Variants in MITF observed in about 807,000 individuals in gnomAD.
MITF encodes microphthalmia-associated transcription factor.
Under a neutral mutation model 60.5 loss-of-function variants are expected in MITF, and 17 were observed. That is an observed-to-expected ratio of 0.28 (90% CI 0.19 to 0.42). The LOEUF (loss-of-function observed/expected upper bound fraction) is 0.42. MITF is among the 10% of genes least tolerant of loss of function. MITF has a pLI of 1.00. For synonymous variants in MITF, 260 were observed against 248.5 expected, an observed-to-expected ratio of 1.05 and a Z score of -0.43; for missense variants, 622 against 683.5, an observed-to-expected ratio of 0.91 and a Z score of 1.00.
intron 5 of MITF, 86 bp from the exon 6 acceptor site, chr3:69,948,965 A>T: frequency 1.0e-6 from 1 of 958,010 alleles, no homozygotes; most frequent in East Asian, 2.4e-5. Flanking sequence ...TTCTTAAATA[A>T]ATCCTAGAGT....
At chr3:69,932,190 A>G (rs1012651464) in intron 2 of MITF, among the ~76,000 whole-genome samples, 2 of 152,200 alleles carry the variant, frequency 1.3e-5, no homozygotes, top group Non-Finnish European at 2.9e-5. Flanking sequence ...AAAAGCCACA[A>G]TGTAGATAAT....
At chr3:69,763,892 T>G in intron 1 of MITF, 1 of 1,379,064 alleles carries the variant, frequency 7.3e-7, no homozygotes, top group Admixed American at 2.0e-5. Flanking sequence ...CTATTTTCTC[T>G]CTCTGTGAAA....
chr3:69,856,589 G>T (rs2107196176), intron 1 of MITF, among the ~76,000 whole-genome samples: 1 of 152,204 alleles, frequency 6.6e-6, no homozygotes, highest in Non-Finnish European at 1.5e-5. Context: ...AGATCATCTT[G>T]TATCCCACAC....
chr3:69,849,057 C>T lies in MITF; in HGVS notation c.105-30077C>T, dbSNP rs1418959294. Among the ~76,000 whole-genome samples, 45 of 147,800 alleles carry T rather than the reference C, an allele frequency of 3.0e-4. 1 individual carries two copies. Among genetic ancestry groups the T allele is most frequent in the African/African-American group, 1.1e-3 (44 of 40,350 alleles). ...TCGGCTCACTGCAAGCTCCGCCTCC[C>T]GGGTTCACGCCATTCTCCTGCCTCA... On this transcript the variant is annotated intron_variant, in intron 1 of 9. Coordinates refer to ENST00000352241, the MANE Select transcript of MITF (RefSeq NM_001354604.2).
At chr3:69,862,994 G>A (rs571122291) in intron 1 of MITF, among the ~76,000 whole-genome samples, 4 of 149,736 alleles carry the variant, frequency 2.7e-5, no homozygotes, top group Admixed American at 2.0e-4. Context: ...CTTTCCCTCT[G>A]TGTGTGTGTG....
intron 1 of MITF, among the ~76,000 whole-genome samples, chr3:69,789,347 C>G (rs534390980): frequency 1.4e-4 from 21 of 152,156 alleles, no homozygotes; most frequent in Middle Eastern, 6.8e-3. Context: ...AGACATTTCT[C>G]CAGAAGTGGT....
intron 1 of MITF, among the ~76,000 whole-genome samples, chr3:69,789,624 C>T (rs2062707023): frequency 6.6e-6 from 1 of 152,108 alleles, no homozygotes; most frequent in Non-Finnish European, 1.5e-5. Flanking sequence ...GGGAGGCCAA[C>T]TCAGGTGGAT....
chr3:69,746,199 C>G, intron 1 of MITF, among the ~76,000 whole-genome samples: 1 of 152,276 alleles, frequency 6.6e-6, no homozygotes, highest in Non-Finnish European at 1.5e-5. Flanking sequence ...ACAGATTTTA[C>G]TTAAGTTGAT....
intron 2 of MITF, among the ~76,000 whole-genome samples, chr3:69,917,958 T>C (rs977484555): frequency 1.3e-5 from 2 of 152,202 alleles, no homozygotes; most frequent in Admixed American, 1.3e-4. Context: ...TACCATAATG[T>C]TGTCAGAGTT....
At chr3:69,790,896 A>G (rs926611538) in intron 1 of MITF, among the ~76,000 whole-genome samples, 3 of 152,238 alleles carry the variant, frequency 2.0e-5, no homozygotes, top group Non-Finnish European at 4.4e-5. Flanking sequence ...TCCTGGCCAC[A>G]GTATTTGTAG....
chr3:69,758,455 G>A (rs1405800802), intron 1 of MITF, among the ~76,000 whole-genome samples: 1 of 152,122 alleles, frequency 6.6e-6, no homozygotes, highest in African/African-American at 2.4e-5. Context: ...ACAGATGTGA[G>A]CCTCTGTGCC....
intron 2 of MITF, chr3:69,936,468 A>G: frequency 1.6e-6 from 1 of 632,112 alleles, no homozygotes; most frequent in Non-Finnish European, 2.4e-6. Flanking sequence ...AAAAATTGAT[A>G]TCAACATTTA....
intron 2 of MITF, among the ~76,000 whole-genome samples, chr3:69,920,461 T>C (rs2065440703): frequency 6.6e-6 from 1 of 152,180 alleles, no homozygotes; most frequent in South Asian, 2.1e-4. Flanking sequence ...TAGTCCGCCT[T>C]CATGTTCCAT....
intron 1 of MITF, among the ~76,000 whole-genome samples, chr3:69,793,303 A>C (rs1474095966): frequency 6.6e-6 from 1 of 152,200 alleles, no homozygotes; most frequent in African/African-American, 2.4e-5. Context: ...GGCGTAAGCC[A>C]CTGCACCCAG....
intron 1 of MITF, among the ~76,000 whole-genome samples, chr3:69,812,200 C>T (rs2063111801): frequency 6.6e-6 from 1 of 152,102 alleles, no homozygotes; most frequent in African/African-American, 2.4e-5. Flanking sequence ...ATAGTCTTAG[C>T]TCTGTCCCAA....
chr3:69,866,227 G>A (rs371591390), intron 1 of MITF: 10 of 1,607,332 alleles, frequency 6.2e-6, no homozygotes, highest in Non-Finnish European at 8.5e-6. Flanking sequence ...CACAGCCAGT[G>A]CCAGAACTAA....
intron 1 of MITF, among the ~76,000 whole-genome samples, chr3:69,776,828 A>G (rs1559623380): frequency 1.3e-5 from 2 of 152,216 alleles, no homozygotes; most frequent in South Asian, 4.1e-4. Flanking sequence ...CTTTTCTTGT[A>G]ATTGCTACTA....
intron 2 of MITF, among the ~76,000 whole-genome samples, chr3:69,917,866 G>A (rs951749310): frequency 3.3e-5 from 5 of 151,930 alleles, no homozygotes; most frequent in Non-Finnish European, 7.4e-5. Context: ...TTTTGTTTTT[G>A]AATAAGACAA....
chr3:69,755,433 G>GTTTTTTTTTTTTT lies in MITF; in HGVS notation c.104+15758_104+15770dup, dbSNP rs542141862. On this transcript the variant is annotated intron_variant, in intron 1 of 9. Transcript: ENST00000352241. ...ATCTTTGTATCTTTTACCCTTCTGG[G>GTTTTTTTTTTTTT]TTTTTTTTTTTTTTTTTTTTTTTTT... Among the ~76,000 whole-genome samples, 2 of 35,396 alleles carry GTTTTTTTTTTTTT rather than the reference G, an allele frequency of 5.7e-5. 1 individual carries two copies. The highest frequency in any genetic ancestry group is 2.8e-4 in the African/African-American group (2 of 7,236). 23.2% of individuals were successfully genotyped at this position (35,396 alleles called of 152,430 possible). A position where few individuals can be genotyped will look rare whatever the true frequency, so the allele number is the denominator to read the frequency against.
Sources: allele counts gnomAD v4.1 joint callset (sites outside exome capture counted in the v4.1 genomes callset), GRCh38; gene constraint gnomAD v4.1.1; transcripts MANE v1.5; gene names NCBI Gene and HGNC (gene_info 2026-07-23, HGNC 2026-07-21).